Variants in FRMD4B observed in about 807,000 individuals in gnomAD.
FRMD4B encodes the protein FERM domain containing 4B.
Under a neutral mutation model 141.5 loss-of-function variants are expected in FRMD4B, and 74 were observed. That is an observed-to-expected ratio of 0.52 (90% CI 0.43 to 0.63). The LOEUF (loss-of-function observed/expected upper bound fraction) is 0.63, where lower values mean the gene tolerates loss of function less well. Among genes scored for constraint, FRMD4B ranks in the 30% least tolerant of loss-of-function variants. The pLI, the probability that FRMD4B is intolerant of heterozygous loss-of-function variation, is 0.00. For missense variants in FRMD4B, 1,366 were observed against 1,253.4 expected, an observed-to-expected ratio of 1.09 and a Z score of -1.36; for synonymous variants, 506 against 467.9, an observed-to-expected ratio of 1.08 and a Z score of -1.05.
chr3:69,390,526 A>C (rs1704358731), upstream of FRMD4B, among the ~76,000 whole-genome samples: 1 of 152,070 alleles, frequency 6.6e-6, no homozygotes, highest in South Asian at 2.1e-4. Flanking sequence ...TGCACTGGAG[A>C]GCCCCCAGAG....
At chr3:69,191,145 A>G (rs4637299) in intron 17 of FRMD4B, among the ~76,000 whole-genome samples, 144,261 of 152,302 alleles carry the variant, frequency 0.95, 68,851 homozygotes, top group Non-Finnish European at 1. Flanking sequence ...GTGGCCAGGC[A>G]CACTGCCTCA....
At chr3:69,340,331 C>T (rs1702696215) in intron 1 of FRMD4B, among the ~76,000 whole-genome samples, 1 of 152,102 alleles carries the variant, frequency 6.6e-6, no homozygotes, top group Non-Finnish European at 1.5e-5. Flanking sequence ...CACCCTCTAT[C>T]CTTGCCTTGG....
At chr3:69,396,061 G>A (rs1363202928) in intron 2 of FRMD4B, among the ~76,000 whole-genome samples, 1 of 152,188 alleles carries the variant, frequency 6.6e-6, no homozygotes, top group Admixed American at 6.5e-5. Flanking sequence ...GAAAATGTTG[G>A]TTGTCTGTCC....
At chr3:69,212,043 ACG>A (rs1274813819) in intron 11 of FRMD4B, among the ~76,000 whole-genome samples, 8 of 151,410 alleles carry the variant, frequency 5.3e-5, no homozygotes, top group African/African-American at 1.7e-4. Flanking sequence ...AAAAAAAAAA[ACG>A]GAGAAAGAGA....
chr3:69,201,303 T>G (rs1240670802), intron 11 of FRMD4B, among the ~76,000 whole-genome samples: 2 of 152,134 alleles, frequency 1.3e-5, no homozygotes, highest in Admixed American at 1.3e-4. Flanking sequence ...TATAGAAACT[T>G]GAATATCATT....
intron 1 of FRMD4B, among the ~76,000 whole-genome samples, chr3:69,454,724 CT>C (rs1455785230): frequency 1.3e-5 from 2 of 152,216 alleles, no homozygotes; most frequent in African/African-American, 4.8e-5. Context: ...CCGCAGTGGG[CT>C]CTGGTGCAGC....
intron 1 of FRMD4B, among the ~76,000 whole-genome samples, chr3:69,450,344 C>G (rs1705474838): frequency 6.6e-6 from 1 of 152,066 alleles, no homozygotes; most frequent in Non-Finnish European, 1.5e-5. Context: ...AAAGAATTAG[C>G]CAGGCATCAT....
chr3:69,437,080 G>A (rs1705271175), intron 1 of FRMD4B, among the ~76,000 whole-genome samples: 1 of 152,028 alleles, frequency 6.6e-6, no homozygotes, highest in South Asian at 2.1e-4. Flanking sequence ...GTTCAACATT[G>A]TGAATGCACT....
chr3:69,390,865 C>CAACAGAGTGGGCAACAGAG (rs1704368297), upstream of FRMD4B, among the ~76,000 whole-genome samples: 1 of 151,954 alleles, frequency 6.6e-6, no homozygotes. Context: ...TGCACTCCAG[C>CAACAGAGTGGGCAACAGAG]CTGGGCAACA....
At chr3:69,332,340 T>C (rs993720442) in intron 1 of FRMD4B, among the ~76,000 whole-genome samples, 2 of 152,168 alleles carry the variant, frequency 1.3e-5, no homozygotes, top group African/African-American at 4.8e-5. Flanking sequence ...TCTTTTGAAC[T>C]TTACAAGGAG....
chr3:69,212,544 G>C (rs1216646101), intron 11 of FRMD4B, among the ~76,000 whole-genome samples: 1 of 151,954 alleles, frequency 6.6e-6, no homozygotes, highest in Non-Finnish European at 1.5e-5. Context: ...GAATGAACAA[G>C]CAAAACTGAT....
At chr3:69,180,270 A>T (rs1161269352) in intron 21 of FRMD4B, among the ~76,000 whole-genome samples, 1 of 127,392 alleles carries the variant, frequency 7.8e-6, no homozygotes, top group Non-Finnish European at 1.7e-5. Context: ...AAAAAAAAAA[A>T]GCAAATTACT....
At chr3:69,284,070 C>A (rs2093656481) in intron 5 of FRMD4B, among the ~76,000 whole-genome samples, 1 of 152,022 alleles carries the variant, frequency 6.6e-6, no homozygotes, top group Admixed American at 6.6e-5. Flanking sequence ...ACAAGGCGAG[C>A]CCTATGACTG....
Position 69,313,530 on chromosome 3 carries a change from G to A in FRMD4B, c.163-13C>T, listed in dbSNP as rs1701678540. 6.5e-7 allele frequency: 1 copy of A among 1,543,296 alleles called. No homozygotes were observed. The highest frequency in any genetic ancestry group is 1.4e-5 in the African/African-American group (1 of 73,278). ...TGCCTTCTGTCATCTGCAGGAACAA[G>A]ACAGCAAGAGTGGTGTCAGGGCCAC... On this transcript the variant is annotated splice_polypyrimidine_tract_variant and intron_variant, in intron 1 of 22. Coordinates refer to ENST00000398540, the MANE Select transcript of FRMD4B (RefSeq NM_015123.3).
At chr3:69,282,983 A>G (rs940954460) in intron 5 of FRMD4B, among the ~76,000 whole-genome samples, 1 of 152,172 alleles carries the variant, frequency 6.6e-6, no homozygotes, top group Non-Finnish European at 1.5e-5. Context: ...AAATTCCTAC[A>G]AATAAAATTT....
intron 7 of FRMD4B, among the ~76,000 whole-genome samples, chr3:69,228,833 T>C (rs62254462): frequency 4.3e-5 from 6 of 138,500 alleles, no homozygotes; most frequent in African/African-American, 1.5e-4. Context: ...GATTCTCTTA[T>C]TTAAAAAAAA....
chr3:69,361,430 T>C (rs1346140754), intron 1 of FRMD4B, among the ~76,000 whole-genome samples: 3 of 152,160 alleles, frequency 2.0e-5, no homozygotes, highest in African/African-American at 7.2e-5. Context: ...AAATACATAT[T>C]TTAGGTATTA....
In FRMD4B at chr3:69,189,907, G is replaced by C. The variant is rs752830770; in HGVS notation, c.1760C>G (p.Thr587Ser). Residue 587 changes from threonine to serine, a missense_variant, in exon 18 of 23, where the codon ACC becomes AGC. Transcript: ENST00000398540. The stretch of plus-strand genomic sequence containing the variant: ...GAAGAGCCACTTACGATCATCATAG[G>C]TGGTGGTGTCAGACAAAGAGCTACT... ...SESSSLSDTT[T>S]YDDPSDAFTF... 1.3e-6 allele frequency: 2 copies of C among 1,592,570 alleles called. No homozygotes were observed. Among genetic ancestry groups the C allele is most frequent in the East Asian group, 4.5e-5 (2 of 44,714 alleles).
At chr3:69,431,420 C>T (rs1705177266) in intron 2 of FRMD4B, among the ~76,000 whole-genome samples, 1 of 152,174 alleles carries the variant, frequency 6.6e-6, no homozygotes, top group African/African-American at 2.4e-5. Context: ...GAACTGATAT[C>T]TTCCACTTGC....
Sources: gnomAD v4.1 joint callset for allele counts (sites outside exome capture counted in the v4.1 genomes callset) on GRCh38, gnomAD v4.1.1 for gene constraint, MANE v1.5 for transcripts, NCBI Gene and HGNC (gene_info 2026-07-23, HGNC 2026-07-21) for gene names.